PTPRD: variants seen among roughly 807,000 people sequenced by gnomAD.
The protein encoded by PTPRD is protein tyrosine phosphatase receptor type D, also known as receptor-type tyrosine-protein phosphatase delta.
In PTPRD, 34 loss-of-function variants were observed where a neutral mutation model predicts 214.5. The ratio of observed to expected loss-of-function variants is 0.16; its 90% confidence interval spans 0.12 to 0.21. The LOEUF (loss-of-function observed/expected upper bound fraction) is 0.21. PTPRD is among the 10% of genes least tolerant of loss of function. The pLI, the probability that PTPRD is intolerant of heterozygous loss-of-function variation, is 1.00. For synonymous variants in PTPRD, 1,128 were observed against 845.7 expected (o/e 1.33, Z -5.79); for missense variants, 2,545 against 2,398.7 (o/e 1.06, Z -1.27).
chr9:8,819,359 C>G (rs979202412), intron 11 of PTPRD, among the ~76,000 whole-genome samples: 2 of 151,850 alleles, frequency 1.3e-5, no homozygotes, highest in African/African-American at 2.4e-5. Flanking sequence ...TATTATATTT[C>G]TCTAATATAA....
chr9:9,865,165 T>G (rs148228220), intron 5 of PTPRD, among the ~76,000 whole-genome samples: 26 of 152,330 alleles, frequency 1.7e-4, no homozygotes, highest in African/African-American at 6.0e-4. Flanking sequence ...GACAAAAACA[T>G]ATTCCTATTT....
chr9:9,824,835 A>C (rs1450700884), intron 5 of PTPRD, among the ~76,000 whole-genome samples: 3 of 152,068 alleles, frequency 2.0e-5, no homozygotes, highest in Non-Finnish European at 2.9e-5. Context: ...TCATCACAAA[A>C]TACAAACTGC....
At chr9:10,066,984 G>C (rs964858749) in intron 3 of PTPRD, among the ~76,000 whole-genome samples, 1 of 151,574 alleles carries the variant, frequency 6.6e-6, no homozygotes, top group African/African-American at 2.4e-5. Flanking sequence ...AAATAGGCTA[G>C]GTTTCAGAAG....
intron 10 of PTPRD, among the ~76,000 whole-genome samples, chr9:9,063,325 T>C (rs969783107): frequency 6.6e-6 from 1 of 152,102 alleles, no homozygotes; most frequent in Non-Finnish European, 1.5e-5. Flanking sequence ...AGGTAAAAAA[T>C]TGTTTTTGAA....
chr9:10,348,324 C>T (rs1400630863), intron 2 of PTPRD, among the ~76,000 whole-genome samples: 1 of 152,106 alleles, frequency 6.6e-6, no homozygotes, highest in Non-Finnish European at 1.5e-5. Context: ...ATGTTGTTAT[C>T]TAAGTTTCTA....
intron 3 of PTPRD, among the ~76,000 whole-genome samples, chr9:10,034,763 C>CT (rs913968344): frequency 1.2e-4 from 18 of 152,126 alleles, no homozygotes; most frequent in African/African-American, 4.3e-4. Context: ...TGATTTTGTT[C>CT]TTTTTTATGG....
chr9:9,151,362 AC>A (rs1301222331), intron 10 of PTPRD, among the ~76,000 whole-genome samples: 2 of 152,178 alleles, frequency 1.3e-5, no homozygotes, highest in Non-Finnish European at 2.9e-5. Context: ...AACCTGGGTC[AC>A]AGATCACATA....
chr9:9,705,528 A>T (rs1206477049), intron 7 of PTPRD, among the ~76,000 whole-genome samples: 2 of 152,142 alleles, frequency 1.3e-5, no homozygotes, highest in African/African-American at 2.4e-5. Context: ...CTAAAATAGA[A>T]ACTGTACTCT....
chr9:8,935,714 C>T (rs946861589), intron 11 of PTPRD, among the ~76,000 whole-genome samples: 2 of 152,168 alleles, frequency 1.3e-5, no homozygotes, highest in Admixed American at 6.5e-5. Context: ...AGGCTTAATG[C>T]AGTATGAAAT....
intron 2 of PTPRD, among the ~76,000 whole-genome samples, chr9:10,381,845 G>C (rs1207322841): frequency 6.6e-6 from 1 of 151,890 alleles, no homozygotes; most frequent in Admixed American, 6.6e-5. Context: ...GGCATTATTG[G>C]AGGATAACTT....
intron 11 of PTPRD, among the ~76,000 whole-genome samples, chr9:8,885,940 A>C (rs772831680): frequency 1.6e-4 from 24 of 152,224 alleles, no homozygotes; most frequent in Non-Finnish European, 1.5e-4. Flanking sequence ...CACATTCTTA[A>C]CAACTTGCAT....
chr9:9,174,008 T>G (rs1244717087), intron 10 of PTPRD, among the ~76,000 whole-genome samples: 2 of 152,134 alleles, frequency 1.3e-5, no homozygotes, highest in Non-Finnish European at 2.9e-5. Flanking sequence ...ACATATATTT[T>G]CTAGGCAATT....
intron 2 of PTPRD, among the ~76,000 whole-genome samples, chr9:10,566,938 C>G (rs113819102): frequency 6.6e-6 from 1 of 152,020 alleles, no homozygotes; most frequent in Admixed American, 6.6e-5. Context: ...TTTCACATGA[C>G]TACCTCTCAC....
intron 3 of PTPRD, among the ~76,000 whole-genome samples, chr9:10,149,006 T>A (rs1345609935): frequency 6.6e-6 from 1 of 152,180 alleles, no homozygotes. Context: ...GGCATTTCAG[T>A]GTGCTTCCTG....
intron 10 of PTPRD, among the ~76,000 whole-genome samples, chr9:9,033,481 G>T (rs556914092): frequency 1.3e-5 from 2 of 152,058 alleles, no homozygotes; most frequent in African/African-American, 2.4e-5. Context: ...ACATCCAACC[G>T]CAGTACATAC....
intron 2 of PTPRD, among the ~76,000 whole-genome samples, chr9:10,545,047 T>C (rs1325849775): frequency 6.6e-6 from 1 of 152,160 alleles, no homozygotes; most frequent in African/African-American, 2.4e-5. Context: ...GAAATGTCAA[T>C]AAACCGAACT....
intron 9 of PTPRD, among the ~76,000 whole-genome samples, chr9:9,244,858 A>C (rs905432376): frequency 3.3e-5 from 5 of 152,158 alleles, no homozygotes; most frequent in African/African-American, 9.7e-5. Context: ...CAACCTACAG[A>C]ATGGGAGAAA....
In PTPRD at chr9:10,315,589, G is replaced by A. The variant is rs534029810; in HGVS notation, c.-545+25374C>T. Among the ~76,000 whole-genome samples the A allele has an allele frequency of 3.3e-5, 5 of 152,016 alleles. No homozygotes were observed. The East Asian group carries it at 9.7e-4, about 29-fold the overall frequency. On this transcript the variant is annotated intron_variant, in intron 3 of 45. Coordinates refer to ENST00000381196, the MANE Select transcript of PTPRD (RefSeq NM_002839.4). ...GTGTTTGCATTGTATTTCTATGCAT[G>A]TTTTAGAGTGTCTCAATTTTACTAT...
intron 5 of PTPRD, among the ~76,000 whole-genome samples, chr9:9,868,600 T>TAA (rs767125175): frequency 2.7e-5 from 4 of 146,498 alleles, no homozygotes; most frequent in Non-Finnish European, 6.0e-5. Flanking sequence ...GATAAATTAT[T>TAA]AAAAAAAAAA....
Sources: allele counts gnomAD v4.1 joint callset (sites outside exome capture counted in the v4.1 genomes callset), GRCh38; gene constraint gnomAD v4.1.1; transcripts MANE v1.5; gene names NCBI Gene and HGNC (gene_info 2026-07-23, HGNC 2026-07-21).